ARMH4: variants seen among roughly 807,000 people sequenced by gnomAD.
ARMH4 encodes armadillo like helical domain containing 4.
Under a neutral mutation model 61.9 loss-of-function variants are expected in ARMH4, and 49 were observed. The ratio of observed to expected loss-of-function variants is 0.79; its 90% CI spans 0.63 to 1.00. The LOEUF is 1.00. ARMH4 is among the 50% of genes least tolerant of loss of function. The pLI, the probability that ARMH4 is intolerant of heterozygous loss-of-function variation, is 0.00. For missense variants in ARMH4, 934 were observed against 930.0 expected (o/e 1.00, Z -0.06); for synonymous variants, 368 against 341.5 (o/e 1.08, Z -0.85).
intron 4 of ARMH4, among the ~76,000 whole-genome samples, chr14:58,107,763 CAAAAAAAAAA>C (rs34507217): frequency 1.0e-5 from 1 of 97,364 alleles, no homozygotes; most frequent in Non-Finnish European, 2.0e-5. Flanking sequence ...GACTCCATCT[CAAAAAAAAAA>C]AAAAAAAAAA....
chr14:58,149,371 C>T (rs866736560), intron 1 of ARMH4, among the ~76,000 whole-genome samples: 1 of 152,166 alleles, frequency 6.6e-6, no homozygotes, highest in Middle Eastern at 3.4e-3. Flanking sequence ...GCAGCATGTT[C>T]CATCACAATG....
intron 5 of ARMH4, among the ~76,000 whole-genome samples, chr14:58,049,239 A>C (rs1470360874): frequency 8.8e-5 from 12 of 136,784 alleles, no homozygotes; most frequent in African/African-American, 3.3e-4. Flanking sequence ...ACTCCGTCCC[A>C]AAAAAAAAAA....
intron 5 of ARMH4, among the ~76,000 whole-genome samples, chr14:58,024,607 C>G (rs1361984293): frequency 6.6e-6 from 1 of 152,162 alleles, no homozygotes; most frequent in Non-Finnish European, 1.5e-5. Flanking sequence ...TTTACATTCA[C>G]AACTTGGCTA....
chr14:58,077,782 C>G (rs1204655390), intron 5 of ARMH4, among the ~76,000 whole-genome samples: 1 of 152,212 alleles, frequency 6.6e-6, no homozygotes, highest in Non-Finnish European at 1.5e-5. Context: ...GAATCCACAT[C>G]TTTTTTACTC....
At chr14:58,080,285 A>C (rs2141241202) in intron 5 of ARMH4, among the ~76,000 whole-genome samples, 1 of 152,038 alleles carries the variant, frequency 6.6e-6, no homozygotes, top group South Asian at 2.1e-4. Context: ...ATGCGCCACC[A>C]CACCTGGCTA....
chr14:58,049,533 G>C (rs1382937345), intron 5 of ARMH4, among the ~76,000 whole-genome samples: 1 of 152,130 alleles, frequency 6.6e-6, no homozygotes, highest in Non-Finnish European at 1.5e-5. Flanking sequence ...TCTCTGGGGT[G>C]ATTCAATCAA....
chr14:58,023,293 G>A (rs980134428), intron 5 of ARMH4, among the ~76,000 whole-genome samples: 2 of 152,104 alleles, frequency 1.3e-5, no homozygotes, highest in East Asian at 3.9e-4. Flanking sequence ...ACTGCTTGGT[G>A]AGCTAAGGTC....
chr14:58,078,421 T>A (rs932309665), intron 5 of ARMH4, among the ~76,000 whole-genome samples: 2 of 152,146 alleles, frequency 1.3e-5, no homozygotes, highest in Non-Finnish European at 2.9e-5. Context: ...TGCAGCCACC[T>A]CCCCACACAA....
intron 5 of ARMH4, among the ~76,000 whole-genome samples, chr14:58,094,281 G>C (rs1165137255): frequency 7.1e-6 from 1 of 141,130 alleles, no homozygotes; most frequent in African/African-American, 2.7e-5. Flanking sequence ...AGTGAGTCGA[G>C]ATCGCCCCAC....
intron 4 of ARMH4, among the ~76,000 whole-genome samples, chr14:58,124,087 T>A (rs1167398760): frequency 6.6e-6 from 1 of 152,210 alleles, no homozygotes; most frequent in Non-Finnish European, 1.5e-5. Context: ...TTCCTTGGCA[T>A]AACAGGTTTC....
At chr14:58,058,156 T>A (rs757306311) in intron 5 of ARMH4, among the ~76,000 whole-genome samples, 4 of 152,202 alleles carry the variant, frequency 2.6e-5, no homozygotes, top group Non-Finnish European at 5.9e-5. Context: ...ATGTTCAAGG[T>A]AATGATATAA....
chr14:58,057,256 C>T (rs1884375058), intron 5 of ARMH4, among the ~76,000 whole-genome samples: 1 of 152,114 alleles, frequency 6.6e-6, no homozygotes, highest in South Asian at 2.1e-4. Flanking sequence ...TAAGAAGTAC[C>T]TGTTTGCATT....
intron 6 of ARMH4, among the ~76,000 whole-genome samples, chr14:58,009,208 T>C (rs1882294932): frequency 6.6e-6 from 1 of 152,172 alleles, no homozygotes; most frequent in African/African-American, 2.4e-5. Flanking sequence ...GAAGATGATA[T>C]GTCAGTGGCA....
chr14:58,063,231 G>A (rs1352748427), intron 5 of ARMH4, among the ~76,000 whole-genome samples: 2 of 152,296 alleles, frequency 1.3e-5, no homozygotes, highest in East Asian at 3.9e-4. Context: ...CGTTCTCCCT[G>A]CATGTCTGTG....
intron 1 of ARMH4, among the ~76,000 whole-genome samples, chr14:58,147,517 G>A (rs1408253724): frequency 6.6e-6 from 1 of 152,000 alleles, no homozygotes; most frequent in African/African-American, 2.4e-5. Flanking sequence ...ATTTCACCAT[G>A]TTGGCCAGGA....
intron 5 of ARMH4, among the ~76,000 whole-genome samples, chr14:58,095,392 T>A (rs1885715159): frequency 6.6e-6 from 1 of 152,230 alleles, no homozygotes; most frequent in Non-Finnish European, 1.5e-5. Context: ...GTATTTTGTA[T>A]CTTATTTCAT....
chr14:58,058,181 T>C (rs1884411871), intron 5 of ARMH4, among the ~76,000 whole-genome samples: 1 of 152,208 alleles, frequency 6.6e-6, no homozygotes, highest in Non-Finnish European at 1.5e-5. Flanking sequence ...GTGTAGTATT[T>C]GCATGTAACT....
intron 4 of ARMH4, among the ~76,000 whole-genome samples, chr14:58,122,897 G>A (rs538030829): frequency 4.6e-5 from 7 of 152,278 alleles, no homozygotes; most frequent in African/African-American, 1.7e-4. Flanking sequence ...GCAGGACTGA[G>A]GGTGCCTGGG....
intron 5 of ARMH4, among the ~76,000 whole-genome samples, chr14:58,081,758 G>A (rs1324648126): frequency 5.9e-5 from 9 of 151,406 alleles, no homozygotes; most frequent in Non-Finnish European, 8.8e-5. Context: ...CGCCCGCCTC[G>A]GTCTCCCAAA....
Sources: allele counts gnomAD v4.1 joint callset (sites outside exome capture counted in the v4.1 genomes callset), GRCh38; gene constraint gnomAD v4.1.1; transcripts MANE v1.5; gene names NCBI Gene and HGNC (gene_info 2026-07-23, HGNC 2026-07-21).